HPSE2: variants seen among roughly 807,000 people sequenced by gnomAD.
The protein encoded by HPSE2 is heparanase 2 (inactive).
A neutral mutation model predicts 60.5 loss-of-function variants in HPSE2; 38 were observed. The ratio of observed to expected loss-of-function variants is 0.63; its 90% CI spans 0.48 to 0.82. The LOEUF (loss-of-function observed/expected upper bound fraction) is 0.82, where lower values mean the gene tolerates loss of function less well. HPSE2 is among the 40% of genes least tolerant of loss of function. The pLI is 0.00. For synonymous variants in HPSE2, 295 were observed against 293.2 expected (o/e 1.01, Z -0.06); for missense variants, 713 against 740.4 (o/e 0.96, Z 0.43).
At chr10:98,852,113 A>ATGTGTGTGTGTGTGTGTG (rs1555017138) in intron 3 of HPSE2, among the ~76,000 whole-genome samples, 1 of 91,966 alleles carries the variant, frequency 1.1e-5, no homozygotes, top group African/African-American at 4.6e-5. Flanking sequence ...GTATATTATG[A>ATGTGTGTGTGTGTGTGTG]TGTGTGTGTG....
intron 3 of HPSE2, among the ~76,000 whole-genome samples, chr10:98,868,459 T>G (rs1310151415): frequency 1.3e-5 from 2 of 152,060 alleles, no homozygotes; most frequent in Non-Finnish European, 1.5e-5. Flanking sequence ...GGTTCTGTAG[T>G]CAATAGTAAT....
the HPSE2 span, among the ~76,000 whole-genome samples, chr10:99,300,439 G>A: frequency 6.6e-6 from 1 of 152,148 alleles, no homozygotes; most frequent in South Asian, 2.1e-4. Flanking sequence ...CCATTTCTTA[G>A]GGCCACTGTC....
Position 98,683,451 on chromosome 10 carries a change from AAG to A in HPSE2, c.1004+10447_1004+10448del, listed in dbSNP as rs1287406843. Among the ~76,000 whole-genome samples, 4 of 151,986 alleles carry A rather than the reference AAG, an allele frequency of 2.6e-5. 1 individual carries two copies. The highest frequency in any genetic ancestry group is 1.3e-4 in the Admixed American group (2 of 15,258). ...AGAAAGAAAAAAGAAAAAATAGGAA[AAG>A]AAGATAAATAAAACTAAAATTGATA... On this transcript the variant is annotated intron_variant, in intron 6 of 11. Coordinates refer to ENST00000370552, the MANE Select transcript of HPSE2 (RefSeq NM_021828.5).
At position 98,458,513 on chromosome 10, in the gene HPSE2, A is replaced by C. The variant is rs1940141835; in HGVS notation, c.*1061T>G. On this transcript the variant is annotated 3_prime_UTR_variant, in exon 12 of 12. Coordinates refer to ENST00000370552, the MANE Select transcript of HPSE2 (RefSeq NM_021828.5). ...AGTTTTGTTCTAGCTCAAATAGGCT[A>C]CTTGGGAAGAGGCAAAAAGGTTAGA... 6.6e-6 allele frequency: 1 copy of C among 152,186 alleles called. No homozygotes were observed. The highest frequency in any genetic ancestry group is 2.1e-4 in the South Asian group (1 of 4,824). 9.4% of individuals were successfully genotyped at this position (152,186 alleles called of 1,614,324 possible).
chr10:98,752,181 T>G (rs1235388900), intron 3 of HPSE2, among the ~76,000 whole-genome samples: 1 of 152,102 alleles, frequency 6.6e-6, no homozygotes, highest in Non-Finnish European at 1.5e-5. Flanking sequence ...AAATAAACAC[T>G]ATTATGAAAA....
chr10:98,749,771 A>T (rs1375989139), intron 3 of HPSE2, among the ~76,000 whole-genome samples: 1 of 150,990 alleles, frequency 6.6e-6, no homozygotes, highest in African/African-American at 2.4e-5. Flanking sequence ...CATTTAAGGT[A>T]GGCCCGGCTA....
the HPSE2 span, among the ~76,000 whole-genome samples, chr10:99,269,621 G>C: frequency 1.3e-5 from 2 of 152,142 alleles, no homozygotes; most frequent in Non-Finnish European, 2.9e-5. Flanking sequence ...TGTTACGCTA[G>C]AACTTAATGA....
intron 3 of HPSE2, among the ~76,000 whole-genome samples, chr10:98,997,055 T>G (rs775138175): frequency 3.3e-5 from 5 of 151,956 alleles, no homozygotes; most frequent in Admixed American, 1.3e-4. Flanking sequence ...AAGTATGTAT[T>G]TATTCCTTTT....
chr10:98,849,688 T>C (rs1952120698), intron 3 of HPSE2, among the ~76,000 whole-genome samples: 1 of 152,102 alleles, frequency 6.6e-6, no homozygotes, highest in Non-Finnish European at 1.5e-5. Context: ...AATGAATAAA[T>C]AGAAATAATT....
intron 4 of HPSE2, among the ~76,000 whole-genome samples, chr10:98,726,905 T>G (rs1174635793): frequency 6.6e-6 from 1 of 151,990 alleles, no homozygotes; most frequent in Non-Finnish European, 1.5e-5. Flanking sequence ...GTTAGACTTG[T>G]AAAAGACCTA....
intron 9 of HPSE2, among the ~76,000 whole-genome samples, chr10:98,509,354 T>A (rs1942309464): frequency 6.6e-6 from 1 of 150,984 alleles, no homozygotes; most frequent in Non-Finnish European, 1.5e-5. Flanking sequence ...AAAAAAGAGG[T>A]TAGTTTAGAT....
rs777504978 is a variant in HPSE2, at chr10:98,744,093, T to A, written c.611-37A>T. 3.1e-6 allele frequency: 5 copies of A among 1,593,910 alleles called. No homozygotes were observed. In the African/African-American group the frequency reaches 6.7e-5, roughly 21 times the overall value. On this transcript the variant is annotated intron_variant, in intron 3 of 11. Transcript: ENST00000370552. ...CAGAGAAAGGCTTGTAACTTTCAAA[T>A]CAACATTCCAACAAAAGGAAAATAG...
At chr10:99,106,549 C>CT (rs891832482) in intron 3 of HPSE2, among the ~76,000 whole-genome samples, 2 of 151,474 alleles carry the variant, frequency 1.3e-5, no homozygotes, top group African/African-American at 4.8e-5. Context: ...TATATATAAT[C>CT]TTTTTTATAA....
chr10:99,294,334 ATATAT>A, the HPSE2 span, among the ~76,000 whole-genome samples: 40 of 147,574 alleles, frequency 2.7e-4, no homozygotes, highest in African/African-American at 9.6e-4. Context: ...TTATGTATTT[ATATAT>A]TATATGTAAA....
At chr10:98,842,610 A>G (rs1285818623) in intron 3 of HPSE2, among the ~76,000 whole-genome samples, 1 of 150,430 alleles carries the variant, frequency 6.6e-6, no homozygotes, top group East Asian at 2.0e-4. Context: ...TTTCCTATAT[A>G]TGCCCTGTCC....
chr10:99,106,208 A>G (rs554135275), intron 3 of HPSE2, among the ~76,000 whole-genome samples: 1 of 152,080 alleles, frequency 6.6e-6, no homozygotes, highest in Admixed American at 6.6e-5. Context: ...GAAAACTGTC[A>G]TCTTAACAAT....
intron 9 of HPSE2, among the ~76,000 whole-genome samples, chr10:98,592,520 C>T (rs1945118147): frequency 6.6e-6 from 1 of 152,194 alleles, no homozygotes; most frequent in African/African-American, 2.4e-5. Flanking sequence ...CCCAGACCCC[C>T]TGGATAATTT....
At chr10:99,159,641 A>G (rs1394484418) in intron 2 of HPSE2, among the ~76,000 whole-genome samples, 1 of 152,174 alleles carries the variant, frequency 6.6e-6, no homozygotes, top group Non-Finnish European at 1.5e-5. Flanking sequence ...ACCTTACATC[A>G]TATACAAAAG....
At chr10:99,281,179 TTA>T in the HPSE2 span, among the ~76,000 whole-genome samples, 1 of 149,652 alleles carries the variant, frequency 6.7e-6, no homozygotes, top group African/African-American at 2.4e-5. Flanking sequence ...CTTATTAATA[TTA>T]TCTTATTAAT....
Sources: gnomAD v4.1 joint callset for allele counts (sites outside exome capture counted in the v4.1 genomes callset) on GRCh38, gnomAD v4.1.1 for gene constraint, MANE v1.5 for transcripts, NCBI Gene and HGNC (gene_info 2026-07-23, HGNC 2026-07-21) for gene names.